CCDC102A: variants seen among roughly 807,000 people sequenced by gnomAD.
The protein encoded by CCDC102A is coiled-coil domain containing 102A.
CCDC102A carries 40 observed loss-of-function variants against 55.5 expected under a neutral mutation model. The ratio of observed to expected loss-of-function variants is 0.72; its 90% CI spans 0.56 to 0.94. The LOEUF (loss-of-function observed/expected upper bound fraction) is 0.94, where lower values mean the gene tolerates loss of function less well. Ranked by LOEUF, CCDC102A falls within the 40% of genes least tolerant of loss-of-function variation. The pLI is 0.00. For synonymous variants in CCDC102A, 323 were observed against 339.0 expected (o/e 0.95, Z 0.52); for missense variants, 779 against 768.6 (o/e 1.01, Z -0.16).
intron 1 of CCDC102A, among the ~76,000 whole-genome samples, chr16:57,532,829 G>GGGAGGAGGA (rs1331146760): frequency 6.6e-6 from 1 of 152,172 alleles, no homozygotes; most frequent in Non-Finnish European, 1.5e-5. Flanking sequence ...GTGGGGGGAG[G>GGGAGGAGGA]GGAGGAGGAG....
intron 4 of CCDC102A, 56 bp from the exon 5 acceptor site, chr16:57,518,797 C>T: frequency 5.0e-6 from 7 of 1,406,668 alleles, no homozygotes; most frequent in Non-Finnish European, 6.9e-6. Context: ...AGCCTGGAAC[C>T]ACCTCCGGGG....
At chr16:57,520,939 CAAAA>C (rs751477541) in intron 4 of CCDC102A, 125 bp downstream of exon 4, 509 of 504,412 alleles carry the variant, frequency 1.0e-3, no homozygotes, top group Admixed American at 1.4e-3. Context: ...GACTCTGTCT[CAAAA>C]AAAAAAAAAA....
At chr16:57,517,583 A>G (rs1000762903) in intron 6 of CCDC102A, among the ~76,000 whole-genome samples, 7 of 152,156 alleles carry the variant, frequency 4.6e-5, no homozygotes, top group African/African-American at 1.7e-4. Context: ...ACCTCAGGTG[A>G]TCTGCCCACC....
At chr16:57,530,843 G>A (rs779763976) in intron 1 of CCDC102A, among the ~76,000 whole-genome samples, 2 of 151,768 alleles carry the variant, frequency 1.3e-5, no homozygotes, top group African/African-American at 4.8e-5. Context: ...TCTCCACTCC[G>A]TCTACCTGCT....
At chr16:57,534,893 T>C (rs774968106) in intron 1 of CCDC102A, among the ~76,000 whole-genome samples, 3 of 152,142 alleles carry the variant, frequency 2.0e-5, no homozygotes, top group Non-Finnish European at 4.4e-5. Flanking sequence ...GGGAACAGCG[T>C]TGTGTTTTGT....
chr16:57,528,487 CAGG>C, intron 2 of CCDC102A, 103 bp downstream of exon 2: 1 of 833,070 alleles, frequency 1.2e-6, no homozygotes, highest in Non-Finnish European at 1.5e-6. Flanking sequence ...GTGAAACCTC[CAGG>C]AGGCCAGGCC....
intron 1 of CCDC102A, among the ~76,000 whole-genome samples, chr16:57,536,207 C>T (rs1470985520): frequency 6.6e-6 from 1 of 152,060 alleles, no homozygotes; most frequent in African/African-American, 2.4e-5. Flanking sequence ...TCCCCGCCCG[C>T]CGCCCCCTCC....
At chr16:57,519,474 C>G (rs934393448) in intron 4 of CCDC102A, among the ~76,000 whole-genome samples, 2 of 152,240 alleles carry the variant, frequency 1.3e-5, no homozygotes, top group Non-Finnish European at 2.9e-5. Flanking sequence ...GTGACTAATT[C>G]CAACACTGCT....
In CCDC102A at chr16:57,526,068, C is replaced by A. The variant is rs1361764819; in HGVS notation, c.645G>T (p.Trp215Cys). ...KSMPEESEDCWEARSLGAGGP... is the reference protein window; with the variant it reads ...KSMPEESEDCCEARSLGAGGP... ...CCCCAGCCCCCAGGCTGCGCGCCTC[C>A]CAGCAGTCCTCAGACTCCTCTGGCA... The change falls in exon 3 of 9, where the codon TGG (tryptophan) becomes TGT (cysteine). Residue 215 changes from tryptophan (W) to cysteine (C), a missense_variant. By Grantham distance (215) the Trp-to-Cys change is radical. Transcript: ENST00000258214. The A allele has an allele frequency of 6.3e-7, 1 of 1,588,256 alleles. No homozygotes were observed. The highest frequency in any genetic ancestry group is 8.5e-7 in the Non-Finnish European group (1 of 1,171,330).
In CCDC102A at chr16:57,516,336, C is replaced by T. The variant is rs753440545; in HGVS notation, c.1376G>A (p.Arg459Gln). 2.2e-5 allele frequency: 36 copies of T among 1,607,702 alleles called. No individual in the cohort carries two copies. Among genetic ancestry groups the T allele is most frequent in the South Asian group, 3.3e-5 (3 of 91,058 alleles). ...CAGCTCCTTCTTGAGCTCCTCCACC[C>T]GCAGCCGCAGCTTCTTCACCTCAGC... ...HEAEVKKLRL[R>Q]VEELKKELAQ... is the part of the protein sequence containing the mutation. The change falls in exon 7 of 9, where the codon CGG becomes CAG. Residue 459 changes from arginine to glutamine, a missense_variant. Arg to Gln is a conservative substitution (Grantham distance 43). Transcript: ENST00000258214. This position sits in a 1 kb window ranked among gnomAD's most constrained non-coding sequence, Gnocchi z 4.4.
chr16:57,515,728 C>T (rs550642830), intron 7 of CCDC102A, among the ~76,000 whole-genome samples: 28 of 151,958 alleles, frequency 1.8e-4, no homozygotes, highest in Middle Eastern at 3.4e-3. Context: ...GTCTGTCCAT[C>T]GGACCATTCG....
At chr16:57,536,073 G>T (rs529955684) in intron 1 of CCDC102A, among the ~76,000 whole-genome samples, 1 of 152,286 alleles carries the variant, frequency 6.6e-6, no homozygotes, top group East Asian at 1.9e-4. Context: ...CCACCGCATG[G>T]CCCCCATTGG....
chr16:57,516,663 G>A lies in CCDC102A; in HGVS notation c.1249-200C>T, dbSNP rs1002040638. 1.7e-5 allele frequency: 10 copies of A among 598,334 alleles called. No homozygotes were observed. The Admixed American group carries it at 2.9e-4, about 18-fold the overall frequency. 37.1% of individuals were successfully genotyped at this position (598,334 alleles called of 1,614,324 possible). The stretch of plus-strand genomic sequence containing the variant: ...GAGGCTGGAGGTGCCTTCCAGGGAG[G>A]TGAGAAGGCTGGGTGGGTGGAACCT... On this transcript the variant is annotated intron_variant, in intron 6 of 8. Transcript: ENST00000258214. The surrounding 1 kb of genome is among the most constrained non-coding windows in gnomAD (Gnocchi z 4.4).
chr16:57,513,372 G>A lies in CCDC102A; in HGVS notation c.1524-502C>T, dbSNP rs372685715. Among the ~76,000 whole-genome samples the A allele has an allele frequency of 7.2e-5, 11 of 152,322 alleles. No homozygotes were observed. In the East Asian group the frequency reaches 2.1e-3, roughly 29 times the overall value. On this transcript the variant is annotated intron_variant, in intron 8 of 8. Transcript: ENST00000258214. ...GAGGAAAACTTTGAGTCTAAGAAGA[G>A]CTGGTGAAGGAAATGCCGATCCCTC...
chr16:57,532,716 CACACACACACACACACACAGAGGCAG>C (rs1215347761), intron 1 of CCDC102A, among the ~76,000 whole-genome samples: 1 of 151,996 alleles, frequency 6.6e-6, no homozygotes, highest in Non-Finnish European at 1.5e-5. Context: ...CACACACACA[CACACACACACACACACACAGAGGCAG>C]ACACACACAC....
At chr16:57,532,326 C>T (rs74019542) in intron 1 of CCDC102A, among the ~76,000 whole-genome samples, 3,953 of 152,268 alleles carry the variant, frequency 0.026, 138 homozygotes, top group South Asian at 0.082. Context: ...ACATCTGTGT[C>T]ACGCACCCAG....
intron 4 of CCDC102A, among the ~76,000 whole-genome samples, chr16:57,520,612 A>T (rs955504990): frequency 0.085 from 11,339 of 133,298 alleles, 562 homozygotes; most frequent in African/African-American, 0.12. Flanking sequence ...TAAAATAAAT[A>T]AAATAAAATA....
intron 3 of CCDC102A, among the ~76,000 whole-genome samples, chr16:57,524,796 A>G (rs370592516): frequency 9.1e-4 from 139 of 152,342 alleles, no homozygotes; most frequent in African/African-American, 3.2e-3. Flanking sequence ...AATATTCATT[A>G]TCATCAAGCT....
At chr16:57,536,140 C>T (rs1198431273) in intron 1 of CCDC102A, among the ~76,000 whole-genome samples, 1 of 152,160 alleles carries the variant, frequency 6.6e-6, no homozygotes, top group Non-Finnish European at 1.5e-5. Flanking sequence ...GCCGCCCGTC[C>T]ATCCCGCATT....
Sources: allele counts gnomAD v4.1 joint callset (sites outside exome capture counted in the v4.1 genomes callset), GRCh38; gene constraint gnomAD v4.1.1; non-coding constraint Gnocchi (gnomAD v3.1); transcripts MANE v1.5; gene names NCBI Gene and HGNC (gene_info 2026-07-23, HGNC 2026-07-21).